ZNF653: variants seen among roughly 807,000 people sequenced by gnomAD.
The protein encoded by ZNF653 is 67 kDa zinc finger protein.
Under a neutral mutation model 59.9 loss-of-function variants are expected in ZNF653, and 37 were observed. The ratio of observed to expected loss-of-function variants is 0.62; its 90% CI spans 0.48 to 0.81. ZNF653 has a LOEUF of 0.81. Among genes scored for constraint, ZNF653 ranks in the 40% least tolerant of loss-of-function variants. ZNF653 has a pLI of 0.00. For missense variants in ZNF653, 808 were observed against 881.1 expected (o/e 0.92, Z 1.05); for synonymous variants, 435 against 371.8 (o/e 1.17, Z -1.96).
At chr19:11,505,377 C>A (rs1366535255) in intron 1 of ZNF653, 111 bp downstream of exon 1, 2 of 1,162,190 alleles carry the variant, frequency 1.7e-6, no homozygotes, top group South Asian at 2.0e-5. Context: ...GGCTCCTGGG[C>A]GGGGTCCGCA....
At position 11,495,656 on chromosome 19, in the gene ZNF653, C is replaced by A; in HGVS notation, c.559+294G>T. ...AGCAGGCCTGCCCCCGCCCCAGCTG[C>A]CAAGCCAGGGCTCCTGGGCCCTCAG... On this transcript the variant is annotated intron_variant, in intron 3 of 8. Coordinates refer to ENST00000293771, the MANE Select transcript of ZNF653 (RefSeq NM_138783.4). The surrounding 1 kb of genome is among the most constrained non-coding windows in gnomAD (Gnocchi z 4.9). 1 of 433,008 alleles carries A rather than the reference C, an allele frequency of 2.3e-6. No individual in the cohort carries two copies. The highest frequency in any genetic ancestry group is 4.3e-6 in the Non-Finnish European group (1 of 233,640). 26.8% of individuals were successfully genotyped at this position (433,008 alleles called of 1,614,324 possible). A position where few individuals can be genotyped will look rare whatever the true frequency, so the allele number is the denominator to read the frequency against.
intron 1 of ZNF653, among the ~76,000 whole-genome samples, chr19:11,503,911 C>A (rs914663311): frequency 6.6e-6 from 1 of 151,962 alleles, no homozygotes; most frequent in Non-Finnish European, 1.5e-5. Context: ...TGAAATCAGC[C>A]TGGGCAACAC....
intron 6 of ZNF653, 89 bp downstream of exon 6, chr19:11,486,680 A>C (rs1405004423): frequency 8.8e-7 from 1 of 1,140,680 alleles, no homozygotes; most frequent in Non-Finnish European, 1.2e-6. Context: ...GTCAAATTTC[A>C]AGGGGCAAAC....
intron 1 of ZNF653, among the ~76,000 whole-genome samples, chr19:11,499,342 G>T (rs1180475085): frequency 3.3e-5 from 5 of 152,208 alleles, no homozygotes; most frequent in Non-Finnish European, 7.3e-5. Context: ...AGTAGGACTG[G>T]ATGTCAAGCC....
At chr19:11,497,774 C>T (rs570290854) in intron 2 of ZNF653, among the ~76,000 whole-genome samples, 19 of 152,298 alleles carry the variant, frequency 1.2e-4, no homozygotes, top group African/African-American at 4.6e-4. Context: ...TCCGGCCCAG[C>T]CCTTTCCCTC....
intron 1 of ZNF653, among the ~76,000 whole-genome samples, chr19:11,503,808 G>A (rs1015358888): frequency 1.3e-5 from 2 of 151,484 alleles, no homozygotes; most frequent in African/African-American, 4.9e-5. Flanking sequence ...CCTGTCTCAA[G>A]AACAAACAAA....
At chr19:11,494,774 C>G (rs1056478188) in intron 3 of ZNF653, among the ~76,000 whole-genome samples, 2 of 152,222 alleles carry the variant, frequency 1.3e-5, no homozygotes, top group Non-Finnish European at 2.9e-5. Context: ...CACACCCCAG[C>G]CTGACCCATC....
rs750036260 is a variant in ZNF653 at position 11,505,453 on chromosome 19, TCCTC to T, written c.299+31_299+34del. On this transcript the variant is annotated intron_variant, in intron 1 of 8. Coordinates refer to ENST00000293771, the MANE Select transcript of ZNF653 (RefSeq NM_138783.4). ...AAGCCCGGCGGGGTCTGGGGGCGTCTCCTCCCTCCCTCCCTCGGGGCCAGGCCCC... is the reference window on the plus strand; with the variant it reads ...AAGCCCGGCGGGGTCTGGGGGCGTCTCCTCCCTCCCTCGGGGCCAGGCCCC... The T allele has an allele frequency of 3.5e-4, 496 of 1,407,050 alleles. 1 individual carries two copies. In the African/African-American group the frequency reaches 4.3e-3, roughly 12 times the overall value. The allele number at this position is 1,407,050 out of a possible 1,614,324, so 87.2% of individuals were successfully genotyped here.
intron 1 of ZNF653, among the ~76,000 whole-genome samples, chr19:11,501,720 C>T (rs1205504776): frequency 5.9e-5 from 9 of 152,190 alleles, no homozygotes; most frequent in Non-Finnish European, 1.3e-4. Flanking sequence ...TGCTGCTTCT[C>T]CCTCACCTCC....
intron 1 of ZNF653, among the ~76,000 whole-genome samples, chr19:11,502,240 C>A (rs611840): frequency 6.6e-6 from 1 of 151,938 alleles, no homozygotes; most frequent in South Asian, 2.1e-4. Flanking sequence ...TACAGGCGTG[C>A]GCCACCATGC....
chr19:11,489,401 T>A (rs1971507421), intron 3 of ZNF653, among the ~76,000 whole-genome samples: 1 of 152,006 alleles, frequency 6.6e-6, no homozygotes, highest in Admixed American at 6.6e-5. Flanking sequence ...GATTCCCCAT[T>A]TTGGCCAGGC....
chr19:11,505,720 C>G lies in ZNF653; in HGVS notation c.67G>C (p.Ala23Pro). ...EAEAGAGGEAAAEEGAAGRKA... is the reference protein window; with the variant it reads ...EAEAGAGGEAPAEEGAAGRKA... ...CGGCCCGCTGCGCCCTCCTCGGCTG[C>G]TGCCTCCCCGCCCGCGCCCGCCTCA... The change falls in exon 1 of 9, where the codon GCA becomes CCA. Residue 23 changes from alanine (A) to proline (P), a missense_variant. By Grantham distance (27) the Ala-to-Pro change is conservative. Transcript: ENST00000293771. 2 of 1,472,870 alleles carry G rather than the reference C, an allele frequency of 1.4e-6. No individual in the cohort carries two copies. Among genetic ancestry groups the G allele is most frequent in the South Asian group, 1.3e-5 (1 of 76,502 alleles). 91.2% of individuals were successfully genotyped at this position (1,472,870 alleles called of 1,614,324 possible). A position where few individuals can be genotyped will look rare whatever the true frequency, so the allele number is the denominator to read the frequency against.
intron 1 of ZNF653, among the ~76,000 whole-genome samples, chr19:11,500,447 G>T (rs902993072): frequency 4.6e-5 from 7 of 152,140 alleles, no homozygotes; most frequent in African/African-American, 1.7e-4. Context: ...CGATTCTTCT[G>T]CCTCAGCCTC....
rs775767317 is a variant in ZNF653, at chr19:11,487,506, C to A, written c.957G>T (p.Val319=). The change falls in exon 4 of 9, where the codon GTG becomes GTT. Residue 319 remains valine (V), a synonymous_variant. Coordinates refer to ENST00000293771, the MANE Select transcript of ZNF653 (RefSeq NM_138783.4). This position sits in a 1 kb window ranked among gnomAD's most constrained non-coding sequence, Gnocchi z 5.1. ...CGTAACCAGGGCCCGCAATGATGAT[C>A]ACCTGTGAGCCGGGCACCATGCCTG... The part of the protein sequence containing the change: ...PMPGMVPGSQ[V]IIIAGPGYDA... 29 of 1,613,900 alleles carry A rather than the reference C, an allele frequency of 1.8e-5. No homozygotes were observed. In the South Asian group the frequency reaches 3.2e-4, roughly 18 times the overall value.
In ZNF653 at chr19:11,487,787, TCGCTGC is replaced by T. The variant is rs539990039; in HGVS notation, c.670_675del (p.Ala224_Ala225del). The T allele has an allele frequency of 1.3e-3, 2,084 of 1,611,410 alleles. 11 individuals carry two copies. In the South Asian group the frequency reaches 0.015, roughly 12 times the overall value. ...CTGCTGCCCACCGGGCTGGTGGGCGTCGCTGCCGCTGCCGCTGCCGCAGCCTTGACC... is the reference window on the plus strand; with the variant it reads ...CTGCTGCCCACCGGGCTGGTGGGCGTCGCTGCCGCTGCCGCAGCCTTGACC... On this transcript the variant is annotated inframe_deletion, in exon 4 of 9. Coordinates refer to ENST00000293771, the MANE Select transcript of ZNF653 (RefSeq NM_138783.4). This position sits in a 1 kb window ranked among gnomAD's most constrained non-coding sequence, Gnocchi z 5.1.
At position 11,495,187 on chromosome 19, in the gene ZNF653, C is replaced by T. The variant is rs866821194; in HGVS notation, c.559+763G>A. On this transcript the variant is annotated intron_variant, in intron 3 of 8. Coordinates refer to ENST00000293771, the MANE Select transcript of ZNF653 (RefSeq NM_138783.4). This position sits in a 1 kb window ranked among gnomAD's most constrained non-coding sequence, Gnocchi z 4.9. ...CCTACGCTCCTTCTCCAGCCATTGC[C>T]GAACCCCTGAGGCTGCCGGCAGCCC... Among the ~76,000 whole-genome samples, 24 of 152,240 alleles carry T rather than the reference C, an allele frequency of 1.6e-4. No individual in the cohort carries two copies. Among genetic ancestry groups the T allele is most frequent in the African/African-American group, 5.1e-4 (21 of 41,554 alleles).
At chr19:11,491,558 G>A (rs1033742966) in intron 3 of ZNF653, among the ~76,000 whole-genome samples, 5 of 152,168 alleles carry the variant, frequency 3.3e-5, no homozygotes, top group South Asian at 2.1e-4. Context: ...CCTGCCTCAA[G>A]GCCTTTGCAC....
Position 11,487,149 on chromosome 19 carries a change from T to C in ZNF653, c.1181A>G (p.Asp394Gly). 6.2e-7 allele frequency: 1 copy of C among 1,611,224 alleles called. No individual in the cohort carries two copies. Among genetic ancestry groups the C allele is most frequent in the Non-Finnish European group, 8.5e-7 (1 of 1,179,928 alleles). The change falls in exon 5 of 9, where the codon GAC becomes GGC. Residue 394 changes from aspartate to glycine, a missense_variant. Transcript: ENST00000293771. This position sits in a 1 kb window ranked among gnomAD's most constrained non-coding sequence, Gnocchi z 5.1. ...CTCCTCCTTCTTTAGCAAGCACAGG[T>C]CCTCCTTCTCTACAGGGTGGACACA... ...AGIETKKEKE[D>G]LCLLKKEEKE...
In ZNF653 at chr19:11,495,802, T is replaced by C; in HGVS notation, c.559+148A>G. Reference sequence around the variant, plus strand: ...GGGCAAGGCCACGAAGGACTCAGCCTGGCCCATCGTGTCCCTGCTCTGCCC... The same window carrying C: ...GGGCAAGGCCACGAAGGACTCAGCCCGGCCCATCGTGTCCCTGCTCTGCCC... On this transcript the variant is annotated intron_variant, in intron 3 of 8. Coordinates refer to ENST00000293771, the MANE Select transcript of ZNF653 (RefSeq NM_138783.4). This position sits in a 1 kb window ranked among gnomAD's most constrained non-coding sequence, Gnocchi z 4.9. The C allele has an allele frequency of 2.5e-6, 2 of 789,868 alleles. No individual in the cohort carries two copies. The highest frequency in any genetic ancestry group is 4.0e-6 in the Non-Finnish European group (2 of 498,564). The allele number at this position is 789,868 out of a possible 1,614,324, so 48.9% of individuals were successfully genotyped here.
Sources: gnomAD v4.1 joint callset for allele counts (sites outside exome capture counted in the v4.1 genomes callset) on GRCh38, gnomAD v4.1.1 for gene constraint, Gnocchi (gnomAD v3.1) non-coding constraint, MANE v1.5 for transcripts, NCBI Gene and HGNC (gene_info 2026-07-23, HGNC 2026-07-21) for gene names.